TENM1: variants seen among roughly 807,000 people sequenced by gnomAD.
TENM1 encodes the protein teneurin transmembrane protein 1.
Under a neutral mutation model 174.8 loss-of-function variants are expected in TENM1, and 35 were observed. The observed-to-expected ratio is 0.20, with a 90% confidence interval of 0.15 to 0.27. The LOEUF (loss-of-function observed/expected upper bound fraction) is 0.27. TENM1 is among the 10% of genes least tolerant of loss of function. The pLI is 1.00. For missense variants in TENM1, 1,633 were observed against 2,130.1 expected (o/e 0.77, Z 4.59); for synonymous variants, 781 against 798.7 (o/e 0.98, Z 0.37).
chrX:124,480,291 T>G (rs1344181399), intron 22 of TENM1, among the ~76,000 whole-genome samples: 4 of 111,932 alleles, frequency 3.6e-5, no homozygotes, highest in Non-Finnish European at 5.6e-5. Context: ...AAATTCAGAT[T>G]TAATGGTATG....
chrX:125,177,880 A>G, the TENM1 span, among the ~76,000 whole-genome samples: 1 of 111,962 alleles, frequency 8.9e-6, no homozygotes, highest in South Asian at 3.7e-4. Flanking sequence ...CAAAACCCCA[A>G]GGTTTTGTTT....
chrX:125,096,908 A>G, the TENM1 span, among the ~76,000 whole-genome samples: 4 of 111,452 alleles, frequency 3.6e-5, no homozygotes, highest in African/African-American at 1.3e-4. Flanking sequence ...TTTTCCTCCA[A>G]TGAGTGCATG....
intron 11 of TENM1, among the ~76,000 whole-genome samples, chrX:124,588,542 T>C (rs1380385351): frequency 1.3e-3 from 98 of 76,948 alleles, no homozygotes; most frequent in African/African-American, 5.0e-3. Context: ...GGGACTGTTG[T>C]GGGGTGGGGG....
intron 3 of TENM1, among the ~76,000 whole-genome samples, chrX:124,831,546 G>C: frequency 8.9e-6 from 1 of 112,174 alleles, no homozygotes; most frequent in Non-Finnish European, 1.9e-5. Context: ...CAAGTTTACA[G>C]TCTATTAAGG....
chrX:124,995,700 ATTG>A, the TENM1 span, among the ~76,000 whole-genome samples: 8 of 111,582 alleles, frequency 7.2e-5, no homozygotes, highest in African/African-American at 1.9e-4. Flanking sequence ...GTGAGTACAG[ATTG>A]TTGTTATTAT....
chrX:124,647,755 T>TTGTG (rs943758338), intron 8 of TENM1, among the ~76,000 whole-genome samples: 3 of 98,505 alleles, frequency 3.0e-5, no homozygotes, highest in African/African-American at 1.2e-4. Flanking sequence ...GTGTGTGTGT[T>TTGTG]TGTGTGTGTG....
At chrX:124,603,528 C>G (rs149946312) in intron 11 of TENM1, among the ~76,000 whole-genome samples, 1,214 of 111,494 alleles carry the variant, frequency 0.011, 22 homozygotes, top group African/African-American at 0.038. Context: ...AACACTTTGT[C>G]TAGGGTTTTA....
chrX:124,996,995 A>C, the TENM1 span, among the ~76,000 whole-genome samples: 1 of 111,557 alleles, frequency 9.0e-6, no homozygotes, highest in African/African-American at 3.3e-5. Context: ...GTAGACTTTA[A>C]AAGACGGTGA....
chrX:125,144,800 C>T, the TENM1 span, among the ~76,000 whole-genome samples: 5 of 108,842 alleles, frequency 4.6e-5, no homozygotes, highest in Non-Finnish European at 7.6e-5. Flanking sequence ...TGCAGTGGCA[C>T]GATCTTGGCT....
At chrX:124,690,089 A>G (rs1355604492) in intron 5 of TENM1, among the ~76,000 whole-genome samples, 1 of 111,863 alleles carries the variant, frequency 8.9e-6, no homozygotes, top group Non-Finnish European at 1.9e-5. Context: ...TAGAAATTAA[A>G]TGATTAATTT....
the TENM1 span, among the ~76,000 whole-genome samples, chrX:125,071,742 G>A: frequency 1.3e-4 from 14 of 111,080 alleles, no homozygotes; most frequent in African/African-American, 4.6e-4. Flanking sequence ...GCACCTAGGT[G>A]TTTATAAATG....
chrX:124,385,681 T>C (rs1375473367), exon 29 of TENM1: 1 of 1,190,250 alleles, frequency 8.4e-7, no homozygotes. Context: ...ACAAACCTGT[T>C]TGCCTGTATC....
the TENM1 span, among the ~76,000 whole-genome samples, chrX:125,133,760 A>C: frequency 4.5e-5 from 5 of 111,851 alleles, no homozygotes; most frequent in African/African-American, 6.5e-5. Context: ...CCTGTAACTA[A>C]GAGAATAATC....
chrX:124,737,849 C>T, intron 3 of TENM1, among the ~76,000 whole-genome samples: 1 of 112,357 alleles, frequency 8.9e-6, no homozygotes, highest in Non-Finnish European at 1.9e-5. Flanking sequence ...ATGCAAAGCA[C>T]AGTCTGCAAC....
chrX:124,528,136 T>A (rs1314654772), intron 16 of TENM1, among the ~76,000 whole-genome samples: 2 of 109,431 alleles, frequency 1.8e-5, no homozygotes, highest in Non-Finnish European at 3.8e-5. Flanking sequence ...GTTTACACCT[T>A]TATGGAGCCT....
intron 21 of TENM1, 142 bp downstream of exon 24, chrX:124,487,067 C>T: frequency 1.8e-6 from 1 of 548,732 alleles, no homozygotes; most frequent in Non-Finnish European, 2.9e-6. Flanking sequence ...AAGACACTTA[C>T]CTGAGTTATA....
intron 3 of TENM1, among the ~76,000 whole-genome samples, chrX:124,740,618 A>G (rs2053777798): frequency 1.8e-5 from 2 of 111,740 alleles, no homozygotes; most frequent in South Asian, 7.5e-4. Context: ...CGCTTTCACA[A>G]TATTGGATTG....
chrX:124,589,435 G>A (rs940731603), intron 11 of TENM1, among the ~76,000 whole-genome samples: 1 of 110,158 alleles, frequency 9.1e-6, no homozygotes, highest in Non-Finnish European at 1.9e-5. Context: ...TGCCTTCATA[G>A]AATTAGTTAG....
intron 11 of TENM1, among the ~76,000 whole-genome samples, chrX:124,593,792 C>T (rs753289509): frequency 2.1e-4 from 23 of 111,912 alleles, no homozygotes; most frequent in African/African-American, 7.5e-4. Context: ...TCTCACTTCC[C>T]AAGGGAAACT....
Sources: gnomAD v4.1 joint callset for allele counts (sites outside exome capture counted in the v4.1 genomes callset) on GRCh38, gnomAD v4.1.1 for gene constraint, MANE v1.5 for transcripts, NCBI Gene and HGNC (gene_info 2026-07-23, HGNC 2026-07-21) for gene names.